The following MORC3 variants were observed in gnomAD, a reference collection of about 807,000 sequenced individuals.
The protein encoded by MORC3 is MORC family CW-type zinc finger 3.
Under a neutral mutation model 109.1 loss-of-function variants are expected in MORC3, and 31 were observed. The observed-to-expected ratio is 0.28, with a 90% CI of 0.21 to 0.38. MORC3 has a LOEUF of 0.38. Ranked by LOEUF, MORC3 falls within the 10% of genes least tolerant of loss-of-function variation. The pLI is 1.00. For missense variants in MORC3, 867 were observed against 1,135.8 expected, an observed-to-expected ratio of 0.76 and a Z score of 3.40; for synonymous variants, 395 against 380.7, an observed-to-expected ratio of 1.04 and a Z score of -0.44.
At chr21:36,358,327 A>T (rs571228770) in intron 10 of MORC3, among the ~76,000 whole-genome samples, 1 of 152,006 alleles carries the variant, frequency 6.6e-6, no homozygotes, top group Non-Finnish European at 1.5e-5. Flanking sequence ...AGAGGTTGCA[A>T]TGAACCGAGA....
intron 4 of MORC3, among the ~76,000 whole-genome samples, chr21:36,338,572 C>G (rs905084742): frequency 2.0e-5 from 3 of 151,472 alleles, no homozygotes; most frequent in Non-Finnish European, 4.4e-5. Flanking sequence ...TGCCTGTGGT[C>G]GGTCCCAGCT....
intron 9 of MORC3, among the ~76,000 whole-genome samples, chr21:36,351,551 TACTTC>T (rs1054978646): frequency 5.3e-4 from 81 of 152,186 alleles, no homozygotes; most frequent in Admixed American, 5.2e-3. Context: ...ATACCTGACT[TACTTC>T]ACTTAATGTA....
intron 2 of MORC3, 49 bp downstream of exon 2, chr21:36,333,767 G>C: frequency 1.1e-6 from 1 of 912,708 alleles, no homozygotes; most frequent in Non-Finnish European, 1.6e-6. Flanking sequence ...CAATTGTAGT[G>C]TTTTTTTTTT....
In MORC3 at chr21:36,344,659, G is replaced by A. The variant is rs372893224; in HGVS notation, c.837G>A (p.Ser279=). 4.4e-5 allele frequency: 71 copies of A among 1,613,968 alleles called. 1 individual carries two copies. The highest frequency in any genetic ancestry group is 1.7e-4 in the African/African-American group (13 of 74,920). The change falls in exon 7 of 17, where the codon TCG becomes TCA. Residue 279 remains serine, a synonymous_variant. Transcript: ENST00000400485. ...RGQKVKTQLV[S]KSLAYIERDV... ...AGAAAGTGAAGACACAGCTGGTTTC[G>A]AAGAGTCTTGCCTACATCGAACGTG...
At chr21:36,370,445 C>A (rs2085842084) in intron 15 of MORC3, among the ~76,000 whole-genome samples, 1 of 151,522 alleles carries the variant, frequency 6.6e-6, no homozygotes, top group Non-Finnish European at 1.5e-5. Context: ...TAACTTAATA[C>A]CTCATTAATA....
intron 1 of MORC3, among the ~76,000 whole-genome samples, chr21:36,329,244 G>A (rs540770936): frequency 9.9e-5 from 15 of 151,710 alleles, no homozygotes; most frequent in South Asian, 2.1e-4. Context: ...GCAGTGAGCC[G>A]AGATTATGTC....
At chr21:36,335,218 G>A (rs2085362545) in intron 2 of MORC3, among the ~76,000 whole-genome samples, 1 of 151,966 alleles carries the variant, frequency 6.6e-6, no homozygotes, top group Non-Finnish European at 1.5e-5. Context: ...ATAATAAAGG[G>A]AAATTGTATT....
chr21:36,351,514 A>T (rs1158969343), intron 9 of MORC3, among the ~76,000 whole-genome samples: 4 of 152,116 alleles, frequency 2.6e-5, no homozygotes, highest in African/African-American at 4.8e-5. Context: ...TCAGATATGG[A>T]TGAGAACATG....
chr21:36,349,171 CAAAT>C lies in MORC3; in HGVS notation c.1006-136_1006-133del, dbSNP rs201185893. Reference sequence around the variant, plus strand: ...AGACTCTGTCTCAAAAAAATAAAAACAAATAAAAATAAAAATAAATGTGATGAGA... The same window carrying C: ...AGACTCTGTCTCAAAAAAATAAAAACAAAAATAAAAATAAATGTGATGAGA... On this transcript the variant is annotated intron_variant, in intron 8 of 16. Transcript: ENST00000400485. 2,069 of 651,932 alleles carry C rather than the reference CAAAT, an allele frequency of 3.2e-3. 26 individuals are homozygous for C. In the African/African-American group the frequency reaches 0.035, roughly 11 times the overall value. The allele number at this position is 651,932 out of a possible 1,614,324, so 40.4% of individuals were successfully genotyped here.
intron 1 of MORC3, among the ~76,000 whole-genome samples, chr21:36,326,988 G>A (rs374669324): frequency 3.0e-4 from 45 of 151,122 alleles, no homozygotes; most frequent in African/African-American, 1.0e-3. Flanking sequence ...GCTAATTTTC[G>A]TATTTTTAGT....
chr21:36,372,571 G>A, intron 16 of MORC3, 40 bp downstream of exon 16: 2 of 1,525,420 alleles, frequency 1.3e-6, no homozygotes, highest in Admixed American at 2.4e-5. Context: ...CTGCAATTAT[G>A]GTTAGGATAC....
intron 10 of MORC3, among the ~76,000 whole-genome samples, chr21:36,357,248 A>ATATCTGTGTGTTCTT (rs573827959): frequency 1.3e-5 from 2 of 152,228 alleles, no homozygotes; most frequent in African/African-American, 4.8e-5. Flanking sequence ...TGAATGAACA[A>ATATCTGTGTGTTCTT]TATCTGTGTG....
At position 36,353,305 on chromosome 21, in the gene MORC3, T is replaced by C. The variant is rs1167129285; in HGVS notation, c.1104-3315T>C. ...CAGGGAGTCGGAGGTTGCAGTGAGC[T>C]GAGATTGAGCCACTACATTCCAGTT... On this transcript the variant is annotated intron_variant, in intron 9 of 16. Coordinates refer to ENST00000400485, the MANE Select transcript of MORC3 (RefSeq NM_015358.3). Among the ~76,000 whole-genome samples, 7 of 130,774 alleles carry C rather than the reference T, an allele frequency of 5.4e-5. No homozygotes were observed. In the South Asian group the frequency reaches 1.7e-3, roughly 33 times the overall value. The allele number at this position is 130,774 out of a possible 152,430, so 85.8% of individuals were successfully genotyped here. A position where few individuals can be genotyped will look rare whatever the true frequency, so the allele number is the denominator to read the frequency against.
intron 10 of MORC3, among the ~76,000 whole-genome samples, chr21:36,357,454 T>G (rs1401070591): frequency 6.6e-6 from 1 of 152,150 alleles, no homozygotes; most frequent in African/African-American, 2.4e-5. Context: ...AGGTGGGGTC[T>G]CCCTGTGTTG....
Position 36,374,328 on chromosome 21 carries a change from C to T in MORC3, c.2667-815C>T, listed in dbSNP as rs573935005. 1.9e-3 allele frequency among the ~76,000 whole-genome samples: 286 copies of T among 152,104 alleles called. 1 individual carries two copies. Among genetic ancestry groups the T allele is most frequent in the African/African-American group, 6.2e-3 (259 of 41,508 alleles). On this transcript the variant is annotated intron_variant, in intron 16 of 16. Coordinates refer to ENST00000400485, the MANE Select transcript of MORC3 (RefSeq NM_015358.3). ...CTGGTCTTGAACTCCTGACCTCAGG[C>T]GATCTGCCCGCCTCAGCCTCCCAAA...
At chr21:36,371,330 C>G (rs1275596322) in intron 15 of MORC3, among the ~76,000 whole-genome samples, 1 of 152,160 alleles carries the variant, frequency 6.6e-6, no homozygotes. Flanking sequence ...ACAGATGCTC[C>G]TCAACTTATG....
intron 12 of MORC3, among the ~76,000 whole-genome samples, chr21:36,361,436 A>T (rs905525271): frequency 6.8e-6 from 1 of 147,274 alleles, no homozygotes; most frequent in African/African-American, 2.5e-5. Flanking sequence ...CCAGCTACTC[A>T]GGAGGCTGAG....
Position 36,375,345 on chromosome 21 carries a change from C to T in MORC3, c.*49C>T, listed in dbSNP as rs752809855. 26 of 1,498,590 alleles carry T rather than the reference C, an allele frequency of 1.7e-5. No homozygotes were observed. Among genetic ancestry groups the T allele is most frequent in the Non-Finnish European group, 2.4e-5 (26 of 1,100,234 alleles). The allele number at this position is 1,498,590 out of a possible 1,614,324, so 92.8% of individuals were successfully genotyped here. A position where few individuals can be genotyped will look rare whatever the true frequency, so the allele number is the denominator to read the frequency against. Reference sequence around the variant, plus strand: ...TATTTGCTCAATTCTTTTGGTTGTACAGCTTTCAAAATATAATTAATTTTG... The same window carrying T: ...TATTTGCTCAATTCTTTTGGTTGTATAGCTTTCAAAATATAATTAATTTTG... On this transcript the variant is annotated 3_prime_UTR_variant, in exon 17 of 17. Transcript: ENST00000400485.
At chr21:36,368,048 C>T (rs1200607486) in intron 14 of MORC3, among the ~76,000 whole-genome samples, 2 of 152,080 alleles carry the variant, frequency 1.3e-5, no homozygotes, top group African/African-American at 2.4e-5. Flanking sequence ...GAAAATCCTT[C>T]CTGAGATCTA....
Sources: gnomAD v4.1 joint callset for allele counts (sites outside exome capture counted in the v4.1 genomes callset) on GRCh38, gnomAD v4.1.1 for gene constraint, MANE v1.5 for transcripts, NCBI Gene and HGNC (gene_info 2026-07-23, HGNC 2026-07-21) for gene names.